AP1M1: variants seen among roughly 807,000 people sequenced by gnomAD.
AP1M1 encodes the protein adaptor related protein complex 1 subunit mu 1.
AP1M1 carries 18 observed loss-of-function variants against 57.1 expected under a neutral mutation model. The ratio of observed to expected loss-of-function variants is 0.32; its 90% CI spans 0.22 to 0.47. The LOEUF is 0.47. Ranked by LOEUF, AP1M1 falls within the 20% of genes least tolerant of loss-of-function variation. The pLI is 1.00. For synonymous variants in AP1M1, 241 were observed against 237.9 expected, an observed-to-expected ratio of 1.01 and a Z score of -0.12; for missense variants, 362 against 593.5, an observed-to-expected ratio of 0.61 and a Z score of 4.05.
In AP1M1 at chr19:16,204,996, A is replaced by G. The variant is rs1287958354; in HGVS notation, c.200-1345A>G. 2.0e-5 allele frequency among the ~76,000 whole-genome samples: 3 copies of G among 151,762 alleles called. No homozygotes were observed. The East Asian group carries it at 5.8e-4, about 29-fold the overall frequency. ...CAGGCGCCCGCCACCACGCCCAGCT[A>G]ATTTTTTTGTATTTTTTTAGTAGAG... On this transcript the variant is annotated intron_variant, in intron 2 of 11. Transcript: ENST00000291439.
At chr19:16,229,541 G>A (rs1234551889) in intron 9 of AP1M1, among the ~76,000 whole-genome samples, 1 of 152,172 alleles carries the variant, frequency 6.6e-6, no homozygotes. Context: ...GCTCCACCAG[G>A]GGGGCTCAGG....
At chr19:16,216,444 CAAA>C (rs796076286) in intron 5 of AP1M1, among the ~76,000 whole-genome samples, 2 of 117,036 alleles carry the variant, frequency 1.7e-5, no homozygotes, top group African/African-American at 6.5e-5. Context: ...AACTCCGTCT[CAAA>C]AAAAAAAAAA....
intron 2 of AP1M1, among the ~76,000 whole-genome samples, chr19:16,204,835 T>C (rs1206394517): frequency 4.0e-5 from 1 of 25,002 alleles, no homozygotes; most frequent in Non-Finnish European, 3.5e-4. Flanking sequence ...TTAGGTGGCT[T>C]TTTTTTTTTT....
intron 5 of AP1M1, among the ~76,000 whole-genome samples, chr19:16,225,001 A>T (rs1599463685): frequency 6.6e-6 from 1 of 152,090 alleles, no homozygotes; most frequent in East Asian, 2.0e-4. Context: ...AGACGCAGGG[A>T]AGCTGTTGTG....
chr19:16,218,673 A>G (rs2091529371), intron 5 of AP1M1, among the ~76,000 whole-genome samples: 1 of 152,158 alleles, frequency 6.6e-6, no homozygotes, highest in African/African-American at 2.4e-5. Context: ...GGCTGCGTCT[A>G]GTTGGCCATC....
At chr19:16,230,245 G>C (rs66587439) in intron 9 of AP1M1, among the ~76,000 whole-genome samples, 1 of 152,078 alleles carries the variant, frequency 6.6e-6, no homozygotes, top group South Asian at 2.1e-4. Flanking sequence ...TGGAAGGTTT[G>C]TGGCAACCCT....
intron 2 of AP1M1, among the ~76,000 whole-genome samples, chr19:16,204,354 G>A (rs764453347): frequency 1.3e-5 from 2 of 152,038 alleles, no homozygotes; most frequent in Admixed American, 6.6e-5. Flanking sequence ...GGGCAGACCC[G>A]CAAGCCCATC....
intron 2 of AP1M1, among the ~76,000 whole-genome samples, chr19:16,205,822 A>G (rs764516214): frequency 1.8e-4 from 27 of 152,156 alleles, no homozygotes; most frequent in Admixed American, 3.3e-4. Flanking sequence ...CACAGGAGAG[A>G]AATATCAAGG....
rs1327686610 is a variant in AP1M1, at chr19:16,227,783, C to T, written c.816+93C>T. 2.7e-6 allele frequency: 4 copies of T among 1,461,218 alleles called. No individual in the cohort carries two copies. In the East Asian group the frequency reaches 9.1e-5, roughly 33 times the overall value. 90.5% of individuals were successfully genotyped at this position (1,461,218 alleles called of 1,614,324 possible). A position where few individuals can be genotyped will look rare whatever the true frequency, so the allele number is the denominator to read the frequency against. On this transcript the variant is annotated intron_variant, in intron 7 of 11. Transcript: ENST00000291439. The surrounding 1 kb of genome is among the most constrained non-coding windows in gnomAD (Gnocchi z 6.2). ...GCCCAGGCAGGCGCCAGGGCCAGCC[C>T]CACCCCACGCTCCATGAGCTGCCTG...
chr19:16,233,836 A>G (rs2005051), intron 10 of AP1M1, among the ~76,000 whole-genome samples: 102,783 of 152,014 alleles, frequency 0.68, 36,398 homozygotes, highest in Non-Finnish European at 0.8. Context: ...CCAAACTAGC[A>G]TTTGAGGCTC....
rs1293302795 is a variant in AP1M1 at position 16,235,184 on chromosome 19, G to A, written c.*749G>A. The A allele has an allele frequency of 6.6e-6, 1 of 152,266 alleles. No individual in the cohort carries two copies. Among genetic ancestry groups the A allele is most frequent in the African/African-American group, 2.4e-5 (1 of 41,448 alleles). The allele number at this position is 152,266 out of a possible 1,614,324, so 9.4% of individuals were successfully genotyped here. A position where few individuals can be genotyped will look rare whatever the true frequency, so the allele number is the denominator to read the frequency against. The stretch of plus-strand genomic sequence containing the variant: ...AGCCAGATCAGTATTGACCCACCAG[G>A]GGAGGTGGGGTTTGGTGAGAGACGC... On this transcript the variant is annotated 3_prime_UTR_variant, in exon 12 of 12. Coordinates refer to ENST00000291439, the MANE Select transcript of AP1M1 (RefSeq NM_032493.4).
rs116317694 is a variant in AP1M1, at chr19:16,202,796, G to T, written c.43-663G>T. ...AATTAAAGCTGCTGTTAAGATTCTC[G>T]TGCTAGTGTTTGTGCAGACATGTGG... On this transcript the variant is annotated intron_variant, in intron 1 of 11. Transcript: ENST00000291439. Among the ~76,000 whole-genome samples the T allele has an allele frequency of 4.4e-3, 674 of 152,324 alleles. 5 individuals are homozygous for T. The highest frequency in any genetic ancestry group is 0.015 in the African/African-American group (632 of 41,574).
chr19:16,212,504 T>C (rs1568350205), intron 5 of AP1M1, among the ~76,000 whole-genome samples: 1 of 152,200 alleles, frequency 6.6e-6, no homozygotes. Flanking sequence ...CTTAATAGTC[T>C]AGCTAGCAGC....
intron 5 of AP1M1, among the ~76,000 whole-genome samples, chr19:16,224,010 T>C (rs2091558085): frequency 6.6e-6 from 1 of 152,222 alleles, no homozygotes; most frequent in South Asian, 2.1e-4. Context: ...TTGAGCACGC[T>C]TGCTCAGCCC....
chr19:16,229,810 G>A (rs1408786448), intron 9 of AP1M1, among the ~76,000 whole-genome samples: 5 of 152,098 alleles, frequency 3.3e-5, no homozygotes, highest in East Asian at 1.9e-4. Context: ...TTCTTTCTGC[G>A]TATTTTGCTT....
At chr19:16,198,576 G>A (rs1170932427) in intron 1 of AP1M1, among the ~76,000 whole-genome samples, 3 of 152,154 alleles carry the variant, frequency 2.0e-5, no homozygotes, top group East Asian at 3.9e-4. Flanking sequence ...TGAGTTACAA[G>A]GATTAGGTGA....
intron 2 of AP1M1, among the ~76,000 whole-genome samples, chr19:16,205,561 C>T (rs2091466038): frequency 6.6e-6 from 1 of 152,134 alleles, no homozygotes. Flanking sequence ...CTAGAGCTCA[C>T]TCCTGGGCAG....
chr19:16,215,306 T>C (rs1599458493), intron 5 of AP1M1, among the ~76,000 whole-genome samples: 1 of 130,116 alleles, frequency 7.7e-6, no homozygotes, highest in African/African-American at 2.7e-5. Context: ...ACTGAAAATA[T>C]AAAAATTAGC....
Position 16,209,071 on chromosome 19 carries a change from C to T in AP1M1, c.440C>T (p.Pro147Leu), listed in dbSNP as rs766560881. The T allele has an allele frequency of 6.8e-6, 11 of 1,614,074 alleles. No individual in the cohort carries two copies. The highest frequency in any genetic ancestry group is 5.0e-5 in the Admixed American group (3 of 60,002). Residue 147 changes from proline to leucine, a missense_variant, in exon 5 of 12, where the codon CCG (proline) becomes CTG (leucine). This residue lies in a region of AP1M1 where 337 missense variants were observed against 511.1 expected (regional missense o/e 0.66). Transcript: ENST00000291439. ...QEGHKLETGAPRPPATVTNAV... is the reference protein window; with the variant it reads ...QEGHKLETGALRPPATVTNAV... ...GGCCACAAGCTGGAAACAGGGGCCC[C>T]GCGGCCACCAGCCACCGTCACCAAC... is the stretch of plus-strand genomic sequence containing the variant.
Sources: gnomAD v4.1 joint callset for allele counts (sites outside exome capture counted in the v4.1 genomes callset) on GRCh38, gnomAD v4.1.1 for gene constraint, gnomAD v4.1.1 regional missense constraint, Gnocchi (gnomAD v3.1) non-coding constraint, MANE v1.5 for transcripts, NCBI Gene and HGNC (gene_info 2026-07-23, HGNC 2026-07-21) for gene names.